Variants in OTUD7A observed in about 807,000 individuals in gnomAD.
The protein encoded by OTUD7A is OTU domain-containing protein 7A.
OTUD7A carries 12 observed loss-of-function variants against 65.7 expected under a neutral mutation model. The observed-to-expected ratio is 0.18, with a 90% confidence interval of 0.12 to 0.30. The LOEUF (loss-of-function observed/expected upper bound fraction) is 0.30, where lower values mean the gene tolerates loss of function less well. Among genes scored for constraint, OTUD7A ranks in the 10% least tolerant of loss-of-function variants. The pLI is 1.00. For missense variants in OTUD7A, 1,148 were observed against 1,304.8 expected (o/e 0.88, Z 1.85); for synonymous variants, 641 against 586.3 (o/e 1.09, Z -1.35).
chr15:31,642,276 G>A (rs565030659), intron 3 of OTUD7A, among the ~76,000 whole-genome samples: 4 of 152,202 alleles, frequency 2.6e-5, no homozygotes, highest in Non-Finnish European at 1.5e-5. Flanking sequence ...ACTTGGTCAT[G>A]AGGTAGTATC....
At chr15:31,753,718 ATAT>A (rs1894722584) in intron 1 of OTUD7A, among the ~76,000 whole-genome samples, 3 of 82,380 alleles carry the variant, frequency 3.6e-5, no homozygotes, top group Admixed American at 1.3e-4. Flanking sequence ...ATATATATAT[ATAT>A]TATATATATA....
chr15:31,697,452 C>T (rs1893109488), intron 1 of OTUD7A, among the ~76,000 whole-genome samples: 1 of 138,710 alleles, frequency 7.2e-6, no homozygotes, highest in African/African-American at 2.6e-5. Context: ...GGGTTGTGAC[C>T]AGGGTCCTCC....
intron 1 of OTUD7A, among the ~76,000 whole-genome samples, chr15:31,800,436 C>T (rs1458535292): frequency 2.0e-5 from 3 of 152,154 alleles, no homozygotes; most frequent in South Asian, 2.1e-4. Flanking sequence ...AGCAGCCAAT[C>T]GAGGACACTG....
chr15:31,814,563 GC>G (rs1217290185), intron 1 of OTUD7A, among the ~76,000 whole-genome samples: 1 of 148,694 alleles, frequency 6.7e-6, no homozygotes, highest in African/African-American at 2.5e-5. Flanking sequence ...TCGCTTTGTT[GC>G]CCAGGCTGGA....
intron 1 of OTUD7A, among the ~76,000 whole-genome samples, chr15:31,869,225 C>G (rs1897958707): frequency 6.6e-6 from 1 of 152,166 alleles, no homozygotes; most frequent in Non-Finnish European, 1.5e-5. Context: ...AGATCTACCT[C>G]TGTTCTCGTG....
chr15:31,511,831 G>C (rs373853163), intron 8 of OTUD7A, among the ~76,000 whole-genome samples: 1 of 149,096 alleles, frequency 6.7e-6, no homozygotes. Flanking sequence ...CCCCCATGGG[G>C]ATTTCTCACC....
chr15:31,820,447 T>G (rs2140971655), intron 1 of OTUD7A, among the ~76,000 whole-genome samples: 1 of 152,342 alleles, frequency 6.6e-6, no homozygotes, highest in African/African-American at 2.4e-5. Flanking sequence ...CGCACGATTC[T>G]TCCCCATGTA....
At chr15:31,790,078 A>G (rs1030226619) in intron 1 of OTUD7A, among the ~76,000 whole-genome samples, 18 of 152,222 alleles carry the variant, frequency 1.2e-4, no homozygotes, top group Admixed American at 1.1e-3. Context: ...GTCCATCTCC[A>G]GATTCTACCA....
intron 9 of OTUD7A, among the ~76,000 whole-genome samples, chr15:31,502,061 G>A (rs916752667): frequency 6.6e-6 from 1 of 152,256 alleles, no homozygotes; most frequent in African/African-American, 2.4e-5. Context: ...CAGGTGTACA[G>A]GAGCCCCAGG....
Position 31,483,966 on chromosome 15 carries a change from C to A in OTUD7A, c.2130G>T (p.Val710=). 8.8e-7 allele frequency: 1 copy of A among 1,138,976 alleles called. No homozygotes were observed. 70.6% of individuals were successfully genotyped at this position (1,138,976 alleles called of 1,614,324 possible). The part of the protein sequence containing the change: ...RPPRRPETEG[V]PVPERASPGP... ...CCGGAGAGGCGCGCTCCGGGACCGG[C>A]ACGCCCTCCGTCTCCGGTCTGCGCG... The change falls in exon 13 of 13, where the codon GTG becomes GTT. Residue 710 remains valine, a synonymous_variant. Coordinates refer to ENST00000307050, the MANE Select transcript of OTUD7A (RefSeq NM_001382637.1).
intron 3 of OTUD7A, among the ~76,000 whole-genome samples, chr15:31,588,184 T>A (rs1335824260): frequency 6.6e-6 from 1 of 152,184 alleles, no homozygotes; most frequent in Non-Finnish European, 1.5e-5. Flanking sequence ...AATGGAATGC[T>A]ATGTGGCAAT....
intron 1 of OTUD7A, among the ~76,000 whole-genome samples, chr15:31,783,426 C>G (rs1463637119): frequency 1.3e-5 from 2 of 152,150 alleles, no homozygotes; most frequent in Admixed American, 1.3e-4. Context: ...TTCATGGTAT[C>G]GAAGCAATGG....
At chr15:31,864,042 C>T (rs1485114263) in intron 1 of OTUD7A, among the ~76,000 whole-genome samples, 1 of 152,216 alleles carries the variant, frequency 6.6e-6, no homozygotes, top group Non-Finnish European at 1.5e-5. Flanking sequence ...TGCCACCAGT[C>T]TCTTCGCTAA....
At chr15:31,820,096 G>A (rs900223044) in intron 1 of OTUD7A, among the ~76,000 whole-genome samples, 2 of 152,082 alleles carry the variant, frequency 1.3e-5, no homozygotes, top group Non-Finnish European at 2.9e-5. Context: ...GCTTCTGCTG[G>A]CAACCACTTA....
rs540959866 is a variant in OTUD7A at position 31,526,503 on chromosome 15, C to A, written c.781-42G>T. ...GGCTCAGAAGGGGGGTGGGCCACAGCTGCGCTGCCCTCCTCTCCTCACCCT... is the reference window on the plus strand; with the variant it reads ...GGCTCAGAAGGGGGGTGGGCCACAGATGCGCTGCCCTCCTCTCCTCACCCT... On this transcript the variant is annotated intron_variant, in intron 7 of 12. Coordinates refer to ENST00000307050, the MANE Select transcript of OTUD7A (RefSeq NM_001382637.1). 471 of 1,456,354 alleles carry A rather than the reference C, an allele frequency of 3.2e-4. 1 individual carries two copies. Among genetic ancestry groups the A allele is most frequent in the Non-Finnish European group, 3.4e-4 (365 of 1,086,888 alleles). The allele number at this position is 1,456,354 out of a possible 1,614,324, so 90.2% of individuals were successfully genotyped here. A position where few individuals can be genotyped will look rare whatever the true frequency, so the allele number is the denominator to read the frequency against.
At chr15:31,672,937 T>A (rs1177536516) in intron 1 of OTUD7A, among the ~76,000 whole-genome samples, 6 of 152,194 alleles carry the variant, frequency 3.9e-5, no homozygotes, top group Non-Finnish European at 8.8e-5. Context: ...ATCAATGGCA[T>A]ATAGAATTCT....
intron 1 of OTUD7A, among the ~76,000 whole-genome samples, chr15:31,773,550 C>T: frequency 6.6e-6 from 1 of 152,316 alleles, no homozygotes; most frequent in Non-Finnish European, 1.5e-5. Flanking sequence ...GCATCACCTT[C>T]TAATATCATC....
chr15:31,663,223 G>C (rs1396298927), intron 1 of OTUD7A, among the ~76,000 whole-genome samples: 1 of 147,296 alleles, frequency 6.8e-6, no homozygotes, highest in Admixed American at 6.8e-5. Context: ...TGAAAAAGAT[G>C]CTGGGTGTGG....
chr15:31,801,133 G>A (rs1226141855), intron 1 of OTUD7A, among the ~76,000 whole-genome samples: 1 of 151,028 alleles, frequency 6.6e-6, no homozygotes, highest in Non-Finnish European at 1.5e-5. Flanking sequence ...ACTCCACACT[G>A]CAACTAGTCC....
Sources: allele counts gnomAD v4.1 joint callset (sites outside exome capture counted in the v4.1 genomes callset), GRCh38; gene constraint gnomAD v4.1.1; transcripts MANE v1.5; gene names NCBI Gene and HGNC (gene_info 2026-07-23, HGNC 2026-07-21).